ACTG2: variants seen among roughly 807,000 people sequenced by gnomAD.
The protein encoded by ACTG2 is actin, gamma-enteric smooth muscle.
ACTG2 carries 16 observed loss-of-function variants against 37.6 expected under a neutral mutation model. That is an observed-to-expected ratio of 0.43 (90% CI 0.29 to 0.65). The LOEUF is 0.65. ACTG2 is among the 30% of genes least tolerant of loss of function. The pLI is 0.18. For missense variants in ACTG2, 238 were observed against 490.9 expected (o/e 0.48, Z 4.87); for synonymous variants, 181 against 179.9 (o/e 1.01, Z -0.05).
intron 5 of ACTG2, among the ~76,000 whole-genome samples, 173 bp from the exon 6 acceptor site, chr2:73,913,312 A>T (rs193008209): frequency 1.3e-5 from 2 of 152,314 alleles, no homozygotes; most frequent in East Asian, 3.9e-4. Flanking sequence ...TGGGGGGAAA[A>T]AAGTGACATA....
intron 1 of ACTG2, among the ~76,000 whole-genome samples, chr2:73,898,896 G>A (rs939220783): frequency 6.9e-5 from 10 of 145,272 alleles, no homozygotes; most frequent in South Asian, 2.3e-4. Context: ...TCCGCCTCCC[G>A]GGTTCACGCC....
intron 3 of ACTG2, among the ~76,000 whole-genome samples, chr2:73,904,773 GTGTGTATATATATATATATATA>G (rs1411854203): frequency 0.034 from 679 of 20,074 alleles, 9 homozygotes; most frequent in African/African-American, 0.08. Flanking sequence ...GTGTGTGTGT[GTGTGTATATATATATATATATA>G]TATATATATA....
At chr2:73,915,260 C>G (rs997493978) in intron 7 of ACTG2, among the ~76,000 whole-genome samples, 18 of 152,016 alleles carry the variant, frequency 1.2e-4, no homozygotes, top group African/African-American at 4.4e-4. Context: ...TGGCTCACGC[C>G]TGTAATCCCA....
At position 73,902,616 on chromosome 2, in the gene ACTG2, C is replaced by A. The variant is rs557717993; in HGVS notation, c.255+128C>A. The A allele has an allele frequency of 5.6e-5, 87 of 1,553,604 alleles. No individual in the cohort carries two copies. The African/African-American group carries it at 9.2e-4, about 16-fold the overall frequency. On this transcript the variant is annotated intron_variant, in intron 3 of 8. Coordinates refer to ENST00000345517, the MANE Select transcript of ACTG2 (RefSeq NM_001615.4). The stretch of plus-strand genomic sequence containing the variant: ...TGCTTCTCACTTCTGTCTTTCCTTT[C>A]TTTTCAGCCCCACGACCATTTCTCC...
intron 1 of ACTG2, chr2:73,896,777 C>T (rs1401564417): frequency 6.6e-6 from 1 of 152,188 alleles, no homozygotes; most frequent in Non-Finnish European, 1.5e-5. Context: ...ATTCCTGAGT[C>T]AGTGAGAGCT....
At chr2:73,899,045 C>T (rs998620238) in intron 1 of ACTG2, among the ~76,000 whole-genome samples, 18 of 152,126 alleles carry the variant, frequency 1.2e-4, no homozygotes, top group African/African-American at 4.3e-4. Flanking sequence ...CTCCTGACGT[C>T]GTGATCCGCC....
intron 1 of ACTG2, among the ~76,000 whole-genome samples, chr2:73,895,446 G>A (rs1260999428): frequency 1.3e-5 from 2 of 152,260 alleles, no homozygotes; most frequent in East Asian, 3.9e-4. Context: ...TTCCATCGTG[G>A]CAGTGTTTTT....
chr2:73,906,293 T>C (rs1169277142), intron 3 of ACTG2, among the ~76,000 whole-genome samples: 2 of 151,314 alleles, frequency 1.3e-5, no homozygotes, highest in African/African-American at 2.4e-5. Flanking sequence ...CTACTAAAAA[T>C]ACAAAAAATT....
intron 1 of ACTG2, among the ~76,000 whole-genome samples, chr2:73,893,623 G>C (rs1679678037): frequency 6.6e-6 from 1 of 152,116 alleles, no homozygotes; most frequent in South Asian, 2.1e-4. Context: ...AGGATCATTG[G>C]GGGATGGAGA....
chr2:73,916,470 T>C (rs1324878883), intron 7 of ACTG2, 114 bp from the exon 8 acceptor site: 10 of 875,396 alleles, frequency 1.1e-5, no homozygotes, highest in Non-Finnish European at 1.7e-5. Context: ...CTGGGAGATA[T>C]TAAGGTTCTG....
intron 1 of ACTG2, among the ~76,000 whole-genome samples, chr2:73,900,799 ATC>A (rs1558621921): frequency 2.0e-5 from 3 of 152,208 alleles, no homozygotes; most frequent in African/African-American, 4.8e-5. Context: ...CCCAGAGGTA[ATC>A]ATGATAATCA....
chr2:73,916,848 G>C, intron 8 of ACTG2, 83 bp downstream of exon 8: 1 of 1,498,608 alleles, frequency 6.7e-7, no homozygotes, highest in East Asian at 2.3e-5. Context: ...CAGACTGCCA[G>C]ACCTGATAAC....
intron 2 of ACTG2, 66 bp from the exon 3 acceptor site, chr2:73,902,294 G>C (rs1383781564): frequency 6.4e-7 from 1 of 1,565,534 alleles, no homozygotes; most frequent in Non-Finnish European, 8.7e-7. Context: ...AGACCTTCCA[G>C]TGCCTGAATC....
chr2:73,896,405 C>T (rs1412709880), intron 1 of ACTG2, among the ~76,000 whole-genome samples: 18 of 151,864 alleles, frequency 1.2e-4, no homozygotes, highest in African/African-American at 1.7e-4. Context: ...AGAAACAGGC[C>T]GGAATTTGCC....
At chr2:73,903,267 G>A (rs1227883382) in intron 3 of ACTG2, 1 of 153,966 alleles carries the variant, frequency 6.5e-6, no homozygotes, top group African/African-American at 2.4e-5. Context: ...TGTGATAGGG[G>A]GCTTATTGAG....
intron 5 of ACTG2, 122 bp downstream of exon 5, chr2:73,909,261 C>G (rs1238015814): frequency 1.2e-6 from 1 of 848,814 alleles, no homozygotes; most frequent in Non-Finnish European, 1.9e-6. Flanking sequence ...CAAAATCTTT[C>G]TTAGGGATAA....
intron 5 of ACTG2, among the ~76,000 whole-genome samples, chr2:73,911,842 C>G (rs1680146969): frequency 6.6e-6 from 1 of 152,208 alleles, no homozygotes; most frequent in Non-Finnish European, 1.5e-5. Context: ...GAGGAAATCT[C>G]AAAATAAAAT....
At chr2:73,903,668 G>A (rs369056689) in intron 3 of ACTG2, among the ~76,000 whole-genome samples, 10 of 152,262 alleles carry the variant, frequency 6.6e-5, no homozygotes, top group South Asian at 4.1e-4. Flanking sequence ...TAGGCCGGGC[G>A]TGGTGGCTTA....
chr2:73,906,613 T>C (rs1410012821), intron 3 of ACTG2, among the ~76,000 whole-genome samples: 1 of 152,048 alleles, frequency 6.6e-6, no homozygotes, highest in Non-Finnish European at 1.5e-5. Context: ...CCGGTGTAGC[T>C]GGGAACAGAG....
Sources: gnomAD v4.1 joint callset for allele counts (sites outside exome capture counted in the v4.1 genomes callset) on GRCh38, gnomAD v4.1.1 for gene constraint, MANE v1.5 for transcripts, NCBI Gene and HGNC (gene_info 2026-07-23, HGNC 2026-07-21) for gene names.